The following LARS1 variants were observed in gnomAD, a reference collection of about 807,000 sequenced individuals.
LARS1 encodes leucyl-tRNA synthetase 1.
Under a neutral mutation model 162.8 loss-of-function variants are expected in LARS1, and 100 were observed. The ratio of observed to expected loss-of-function variants is 0.61; its 90% CI spans 0.52 to 0.73. LARS1 has a LOEUF of 0.73. Among genes scored for constraint, LARS1 ranks in the 30% least tolerant of loss-of-function variants. The pLI is 0.00. For synonymous variants in LARS1, 457 were observed against 462.8 expected (o/e 0.99, Z 0.16); for missense variants, 1,258 against 1,408.9 (o/e 0.89, Z 1.71).
In LARS1 at chr5:146,177,549, G is replaced by A. The variant is rs377084976; in HGVS notation, c.123C>T (p.Thr41=). 20 of 1,371,432 alleles carry A rather than the reference G, an allele frequency of 1.5e-5. No individual in the cohort carries two copies. The highest frequency in any genetic ancestry group is 1.6e-5 in the Non-Finnish European group (16 of 975,444). The allele number at this position is 1,371,432 out of a possible 1,614,324, so 85.0% of individuals were successfully genotyped here. A position where few individuals can be genotyped will look rare whatever the true frequency, so the allele number is the denominator to read the frequency against. The change falls in exon 2 of 32, where the codon ACC becomes ACT. Residue 41 remains threonine (T), a splice_region_variant and synonymous_variant. Transcript: ENST00000394434. ...GAACTTCACAAACTATTACTCACCT[G>A]GTCTGTTTCTCTAAATTAGATGCAT... The part of the protein sequence containing the change: ...EVNASNLEKQ[T]SKGKYFVTFP...
At chr5:146,137,523 T>C (rs1160870826) in intron 21 of LARS1, among the ~76,000 whole-genome samples, 2 of 152,128 alleles carry the variant, frequency 1.3e-5, no homozygotes, top group East Asian at 1.9e-4. Context: ...ACAGTAGTGA[T>C]AGTAACAGCA....
chr5:146,114,263 G>C lies in LARS1; in HGVS notation c.3374C>G (p.Pro1125Arg). ...CTTTCCCAGGACAGGAACTCGTCGA[G>C]GCCCCAACAGTGGATCATCAAATCT... ...LMRFDDPLLG[P>R]RRVPVLGKEY... Residue 1125 changes from proline (P) to arginine (R), a missense_variant, in exon 32 of 32, where the codon CCT (proline) becomes CGT (arginine). Transcript: ENST00000394434. 6.2e-7 allele frequency: 1 copy of C among 1,613,730 alleles called. No individual in the cohort carries two copies. Among genetic ancestry groups the C allele is most frequent in the Non-Finnish European group, 8.5e-7 (1 of 1,179,958 alleles).
chr5:146,172,816 A>C, intron 2 of LARS1, 42 bp from the exon 3 acceptor site: 2 of 1,091,410 alleles, frequency 1.8e-6, no homozygotes, highest in Non-Finnish European at 2.6e-6. Flanking sequence ...AGAAGAATAA[A>C]TGTTAAGTTC....
chr5:146,150,723 G>C (rs190463038), intron 14 of LARS1, among the ~76,000 whole-genome samples: 1 of 151,760 alleles, frequency 6.6e-6, no homozygotes, highest in Non-Finnish European at 1.5e-5. Flanking sequence ...AGATCACTTG[G>C]GGTCAGGAGT....
intron 23 of LARS1, 92 bp downstream of exon 23, chr5:146,132,804 TAA>T (rs11321164): frequency 9.1e-3 from 6,713 of 736,056 alleles, no homozygotes; most frequent in South Asian, 0.019. Flanking sequence ...TTTATTTTAT[TAA>T]AAAAAAAAAA....
chr5:146,150,886 C>T (rs1753250340), intron 14 of LARS1, among the ~76,000 whole-genome samples: 1 of 150,894 alleles, frequency 6.6e-6, no homozygotes, highest in African/African-American at 2.4e-5. Context: ...CTGCAGTGAG[C>T]TGAGATTGAG....
Position 146,114,057 on chromosome 5 carries a change from A to G in LARS1, c.*49T>C, listed in dbSNP as rs1210000371. On this transcript the variant is annotated 3_prime_UTR_variant, in exon 32 of 32. Coordinates refer to ENST00000394434, the MANE Select transcript of LARS1 (RefSeq NM_020117.11). ...ATAGCCAATCAGTAGACACAATCAGAGTAGTAGTATTCCTAAGAAACCAGG... is the reference window on the plus strand; with the variant it reads ...ATAGCCAATCAGTAGACACAATCAGGGTAGTAGTATTCCTAAGAAACCAGG... The G allele has an allele frequency of 6.5e-6, 9 of 1,384,930 alleles. No homozygotes were observed. Among genetic ancestry groups the G allele is most frequent in the Non-Finnish European group, 8.2e-6 (8 of 973,264 alleles). 85.8% of individuals were successfully genotyped at this position (1,384,930 alleles called of 1,614,324 possible).
intron 21 of LARS1, among the ~76,000 whole-genome samples, chr5:146,139,856 C>T (rs1752688526): frequency 9.4e-6 from 1 of 106,894 alleles, no homozygotes; most frequent in South Asian, 3.1e-4. Flanking sequence ...GTGTGGGAGA[C>T]AGCGAGACTC....
At chr5:146,166,771 A>C (rs1289123153) in intron 5 of LARS1, among the ~76,000 whole-genome samples, 1 of 152,236 alleles carries the variant, frequency 6.6e-6, no homozygotes, top group Non-Finnish European at 1.5e-5. Flanking sequence ...GAATGCTAAA[A>C]TTAATGAGCA....
In LARS1 at chr5:146,153,165, T is replaced by C. The variant is rs372974596; in HGVS notation, c.1284+9A>G. 160 of 1,602,246 alleles carry C rather than the reference T, an allele frequency of 1.0e-4. No individual in the cohort carries two copies. The African/African-American group carries it at 1.8e-3, about 18-fold the overall frequency. ...GGATGTGAATATTCTGAATTATCTA[T>C]GTACTCACCGGCTCAAATGGCAAGA... On this transcript the variant is annotated intron_variant, in intron 13 of 31. Coordinates refer to ENST00000394434, the MANE Select transcript of LARS1 (RefSeq NM_020117.11).
At chr5:146,116,590 T>C (rs184293886) in intron 31 of LARS1, among the ~76,000 whole-genome samples, 7 of 152,344 alleles carry the variant, frequency 4.6e-5, no homozygotes, top group Admixed American at 2.0e-4. Context: ...ATTGAAACTG[T>C]TGAAATTTAA....
At chr5:146,144,922 G>T (rs1752947234) in intron 15 of LARS1, among the ~76,000 whole-genome samples, 1 of 151,840 alleles carries the variant, frequency 6.6e-6, no homozygotes, top group Middle Eastern at 3.2e-3. Flanking sequence ...TCATCAAGTG[G>T]ATCACTTTCT....
chr5:146,170,806 C>T (rs1392699302), intron 4 of LARS1, among the ~76,000 whole-genome samples: 1 of 150,344 alleles, frequency 6.7e-6, no homozygotes, highest in African/African-American at 2.4e-5. Context: ...ACCAGCCTGG[C>T]CAACATGGTG....
Position 146,160,374 on chromosome 5 carries a change from C to T in LARS1, c.707G>A (p.Arg236Gln), listed in dbSNP as rs756125195. The T allele has an allele frequency of 5.9e-6, 9 of 1,514,254 alleles. No homozygotes were observed. The highest frequency in any genetic ancestry group is 1.2e-5 in the South Asian group (1 of 83,344). The allele number at this position is 1,514,254 out of a possible 1,614,324, so 93.8% of individuals were successfully genotyped here. A position where few individuals can be genotyped will look rare whatever the true frequency, so the allele number is the denominator to read the frequency against. The change falls in exon 7 of 32, where the codon CGG becomes CAG. Residue 236 changes from arginine to glutamine, a missense_variant and splice_region_variant. By Grantham distance (43) the Arg-to-Gln change is conservative. Transcript: ENST00000394434. ...TTATGCTCAAGTATAACAAACTTACCGCTTCCCAAATTTAATTTTGTTTCT... is the reference window on the plus strand; with the variant it reads ...TTATGCTCAAGTATAACAAACTTACTGCTTCCCAAATTTAATTTTGTTTCT... ...RERNKIKFGK[R>Q]YTIYSPKDGQ...
chr5:146,153,973 A>T lies in LARS1; in HGVS notation c.1073T>A (p.Leu358His). The T allele has an allele frequency of 6.2e-7, 1 of 1,600,132 alleles. No homozygotes were observed. The highest frequency in any genetic ancestry group is 8.5e-7 in the Non-Finnish European group (1 of 1,175,016). Residue 358 changes from leucine (L) to histidine (H), a missense_variant, in exon 11 of 32, where the codon CTT becomes CAT. By Grantham distance (99) the Leu-to-His change is moderately conservative (BLOSUM62 -3). Coordinates refer to ENST00000394434, the MANE Select transcript of LARS1 (RefSeq NM_020117.11). Reference protein sequence around the residue: ...VVKELMGEEILGASLSAPLTS... With the variant: ...VVKELMGEEIHGASLSAPLTS... Reference sequence around the variant, plus strand: ...TAAAGGTGCAGAAAGTGATGCACCAAGAATTTCCTGCATAAGAAAAAAATC... The same window carrying T: ...TAAAGGTGCAGAAAGTGATGCACCATGAATTTCCTGCATAAGAAAAAAATC...
At chr5:146,161,851 A>ATT (rs750507824) in intron 6 of LARS1, among the ~76,000 whole-genome samples, 4 of 152,190 alleles carry the variant, frequency 2.6e-5, no homozygotes, top group African/African-American at 7.2e-5. Flanking sequence ...TCATTTCAAC[A>ATT]ATGTTCACTG....
At chr5:146,122,442 T>C in intron 30 of LARS1, 50 bp downstream of exon 30, 2 of 987,292 alleles carry the variant, frequency 2.0e-6, no homozygotes, top group South Asian at 2.7e-5. Flanking sequence ...GATCTCTAGG[T>C]CTCTTCTGGT....
chr5:146,128,431 A>C (rs1230226825), intron 27 of LARS1, among the ~76,000 whole-genome samples: 1 of 152,160 alleles, frequency 6.6e-6, no homozygotes, highest in African/African-American at 2.4e-5. Context: ...TTTTGATTAC[A>C]TTCAACTAGA....
At chr5:146,126,406 G>T in intron 28 of LARS1, 29 bp downstream of exon 28, 1 of 1,394,050 alleles carries the variant, frequency 7.2e-7, no homozygotes, top group Non-Finnish European at 1.0e-6. Context: ...TGCTCATGTG[G>T]TCACAGCTGC....
Sources: allele counts gnomAD v4.1 joint callset (sites outside exome capture counted in the v4.1 genomes callset), GRCh38; gene constraint gnomAD v4.1.1; transcripts MANE v1.5; gene names NCBI Gene and HGNC (gene_info 2026-07-23, HGNC 2026-07-21).